Variants in KIAA1328 observed in about 807,000 individuals in gnomAD.
KIAA1328 encodes protein hinderin.
In KIAA1328, 52 loss-of-function variants were observed where a neutral mutation model predicts 68.1. The observed-to-expected ratio is 0.76, with a 90% CI of 0.61 to 0.96. The LOEUF (loss-of-function observed/expected upper bound fraction) is 0.96, where lower values mean the gene tolerates loss of function less well. KIAA1328 is among the 40% of genes least tolerant of loss of function. The pLI is 0.00. For missense variants in KIAA1328, 641 were observed against 677.6 expected (o/e 0.95, Z 0.60); for synonymous variants, 232 against 239.4 (o/e 0.97, Z 0.28).
chr18:37,009,471 T>A (rs1042090966), intron 6 of KIAA1328, among the ~76,000 whole-genome samples: 1 of 152,114 alleles, frequency 6.6e-6, no homozygotes, highest in Non-Finnish European at 1.5e-5. Context: ...TCTCTTTTTT[T>A]CTCCAGCAGC....
At chr18:36,902,963 A>G (rs1287873329) in intron 5 of KIAA1328, among the ~76,000 whole-genome samples, 3 of 152,112 alleles carry the variant, frequency 2.0e-5, no homozygotes, top group Non-Finnish European at 4.4e-5. Context: ...TTACAAATAT[A>G]TATCTGTTAA....
intron 6 of KIAA1328, among the ~76,000 whole-genome samples, chr18:37,012,992 TAGGG>T (rs1274322990): frequency 1.3e-5 from 2 of 152,174 alleles, no homozygotes; most frequent in Admixed American, 6.5e-5. Flanking sequence ...GTAAAAATAA[TAGGG>T]AGGTAATTCT....
At chr18:36,987,409 G>A (rs1277104301) in intron 6 of KIAA1328, among the ~76,000 whole-genome samples, 9 of 145,886 alleles carry the variant, frequency 6.2e-5, no homozygotes, top group Admixed American at 1.4e-4. Flanking sequence ...TGGGTGCAGC[G>A]CACCAGCATG....
intron 5 of KIAA1328, among the ~76,000 whole-genome samples, chr18:36,933,498 C>G (rs1013597196): frequency 1.3e-5 from 2 of 152,224 alleles, no homozygotes; most frequent in Non-Finnish European, 2.9e-5. Flanking sequence ...GAGGCACACC[C>G]TCCTCCTGTG....
chr18:37,221,999 G>T lies in KIAA1328; in HGVS notation c.1524-18G>T. 1 of 1,609,054 alleles carries T rather than the reference G, an allele frequency of 6.2e-7. No individual in the cohort carries two copies. The highest frequency in any genetic ancestry group is 1.1e-5 in the South Asian group (1 of 90,220). On this transcript the variant is annotated intron_variant, in intron 9 of 9. Transcript: ENST00000280020. ...CTAATAATCTGATCCTTTCCTGTCTGGGTTATATGTCTTACAGGTATGAGA... is the reference window on the plus strand; with the variant it reads ...CTAATAATCTGATCCTTTCCTGTCTTGGTTATATGTCTTACAGGTATGAGA...
chr18:37,114,016 T>G (rs1359090691), intron 7 of KIAA1328, among the ~76,000 whole-genome samples: 1 of 152,148 alleles, frequency 6.6e-6, no homozygotes, highest in Non-Finnish European at 1.5e-5. Context: ...AAGCAAGTCC[T>G]TAGAGACCTA....
At chr18:36,942,481 G>C (rs1045521025) in intron 5 of KIAA1328, among the ~76,000 whole-genome samples, 1 of 152,114 alleles carries the variant, frequency 6.6e-6, no homozygotes, top group African/African-American at 2.4e-5. Flanking sequence ...TTCACAAATC[G>C]CAGCACCACT....
chr18:36,885,475 T>G, intron 4 of KIAA1328, 82 bp from the exon 5 acceptor site: 1 of 716,724 alleles, frequency 1.4e-6, no homozygotes. Flanking sequence ...TTGGAAGAAG[T>G]CTGGTTTTGT....
At chr18:36,910,855 G>T (rs1031267457) in intron 5 of KIAA1328, among the ~76,000 whole-genome samples, 8 of 152,050 alleles carry the variant, frequency 5.3e-5, no homozygotes, top group Non-Finnish European at 2.9e-5. Context: ...GAGGCATTGA[G>T]TGTTTCTGCT....
intron 9 of KIAA1328, among the ~76,000 whole-genome samples, chr18:37,211,754 A>G (rs1242079663): frequency 6.6e-6 from 1 of 152,196 alleles, no homozygotes; most frequent in African/African-American, 2.4e-5. Context: ...TTTCATAGTA[A>G]TGAGTACTCA....
At chr18:37,160,171 C>T (rs1465967341) in intron 7 of KIAA1328, 29 bp from the exon 8 acceptor site, 1 of 1,589,474 alleles carries the variant, frequency 6.3e-7, no homozygotes, top group Non-Finnish European at 8.6e-7. Flanking sequence ...TCTGTGCCTT[C>T]AACAGTTCAT....
intron 9 of KIAA1328, among the ~76,000 whole-genome samples, chr18:37,185,797 ATGCCC>A (rs1314868931): frequency 6.6e-6 from 1 of 151,720 alleles, no homozygotes; most frequent in Non-Finnish European, 1.5e-5. Context: ...TTAATGGGGT[ATGCCC>A]TCCCCCCCAA....
chr18:36,915,676 A>G (rs537479587), intron 5 of KIAA1328, among the ~76,000 whole-genome samples: 42 of 152,306 alleles, frequency 2.8e-4, no homozygotes, highest in African/African-American at 7.9e-4. Flanking sequence ...AATATTGACA[A>G]TATTAAATAC....
At chr18:36,998,209 C>T (rs940035505) in intron 6 of KIAA1328, among the ~76,000 whole-genome samples, 1 of 152,142 alleles carries the variant, frequency 6.6e-6, no homozygotes, top group African/African-American at 2.4e-5. Flanking sequence ...CCACCTTAGG[C>T]AGCCAAGCAC....
At chr18:36,882,158 T>C (rs2048347568) in intron 4 of KIAA1328, among the ~76,000 whole-genome samples, 1 of 152,230 alleles carries the variant, frequency 6.6e-6, no homozygotes, top group African/African-American at 2.4e-5. Flanking sequence ...TTATTTCTGC[T>C]ACTTGCCATT....
intron 2 of KIAA1328, among the ~76,000 whole-genome samples, chr18:36,835,023 A>G (rs1363565033): frequency 6.6e-6 from 1 of 152,156 alleles, no homozygotes; most frequent in East Asian, 1.9e-4. Context: ...ATAAATATAA[A>G]AACAAATTTC....
intron 7 of KIAA1328, among the ~76,000 whole-genome samples, chr18:37,140,139 G>A (rs185289771): frequency 6.6e-6 from 1 of 151,984 alleles, no homozygotes; most frequent in African/African-American, 2.4e-5. Context: ...TGCACCAAAT[G>A]CAGCTTTAAA....
At chr18:37,048,306 G>C (rs2055557386) in intron 6 of KIAA1328, among the ~76,000 whole-genome samples, 1 of 152,194 alleles carries the variant, frequency 6.6e-6, no homozygotes, top group Non-Finnish European at 1.5e-5. Context: ...AGCCCTGCTT[G>C]TCCCAGATTT....
intron 4 of KIAA1328, among the ~76,000 whole-genome samples, chr18:36,846,589 A>G (rs2047037292): frequency 6.6e-6 from 1 of 151,470 alleles, no homozygotes; most frequent in Non-Finnish European, 1.5e-5. Context: ...TGTTACTCCA[A>G]ATAGTTTCCT....
Sources: allele counts gnomAD v4.1 joint callset (sites outside exome capture counted in the v4.1 genomes callset), GRCh38; gene constraint gnomAD v4.1.1; transcripts MANE v1.5; gene names NCBI Gene and HGNC (gene_info 2026-07-23, HGNC 2026-07-21).